Variants in FAM178B observed in about 807,000 individuals in gnomAD.
FAM178B encodes family with sequence similarity 178 member B.
Under a neutral mutation model 91.7 loss-of-function variants are expected in FAM178B, and 82 were observed. The ratio of observed to expected loss-of-function variants is 0.89; its 90% CI spans 0.75 to 1.07. The LOEUF (loss-of-function observed/expected upper bound fraction) is 1.07, where lower values mean the gene tolerates loss of function less well. Ranked by LOEUF, FAM178B falls within the 50% of genes least tolerant of loss-of-function variation. The pLI is 0.00. For missense variants in FAM178B, 769 were observed against 846.7 expected, an observed-to-expected ratio of 0.91 and a Z score of 1.14; for synonymous variants, 368 against 359.4, an observed-to-expected ratio of 1.02 and a Z score of -0.27.
chr2:96,967,132 T>C (rs2153375413), intron 5 of FAM178B, among the ~76,000 whole-genome samples: 1 of 152,346 alleles, frequency 6.6e-6, no homozygotes, highest in African/African-American at 2.4e-5. Flanking sequence ...TCAGAGCTAC[T>C]TTCTCTTCTC....
chr2:96,924,833 C>T (rs1174136188), intron 9 of FAM178B, among the ~76,000 whole-genome samples: 1 of 152,108 alleles, frequency 6.6e-6, no homozygotes, highest in Non-Finnish European at 1.5e-5. Flanking sequence ...CCAGGCAGCC[C>T]CCTGGCACAG....
chr2:96,951,249 C>T (rs1041318253), intron 7 of FAM178B, 130 bp downstream of exon 7: 11 of 683,814 alleles, frequency 1.6e-5, no homozygotes, highest in Non-Finnish European at 2.6e-5. Flanking sequence ...CCTCCCTCCT[C>T]CCAGCCTGAG....
intron 6 of FAM178B, among the ~76,000 whole-genome samples, chr2:96,957,124 T>C (rs2082010630): frequency 6.6e-6 from 1 of 152,138 alleles, no homozygotes; most frequent in Admixed American, 6.5e-5. Flanking sequence ...AGTGCTGGGA[T>C]TATAGGCATG....
intron 12 of FAM178B, among the ~76,000 whole-genome samples, chr2:96,913,816 G>A (rs554450538): frequency 8.5e-5 from 13 of 152,310 alleles, no homozygotes; most frequent in East Asian, 1.9e-4. Context: ...GAGGACTGCC[G>A]TCCCTGAGTC....
intron 12 of FAM178B, among the ~76,000 whole-genome samples, chr2:96,904,245 T>C (rs2080987784): frequency 1.3e-5 from 2 of 152,150 alleles, no homozygotes; most frequent in South Asian, 2.1e-4. Context: ...GCTGTATCCA[T>C]ACAGCTCAGT....
intron 12 of FAM178B, among the ~76,000 whole-genome samples, chr2:96,911,986 A>G (rs2081166780): frequency 6.6e-6 from 1 of 152,140 alleles, no homozygotes; most frequent in Non-Finnish European, 1.5e-5. Flanking sequence ...ATGTGCCTGG[A>G]GCTGAGGCCT....
chr2:96,879,786 C>T (rs2080335050), intron 14 of FAM178B, among the ~76,000 whole-genome samples: 2 of 152,252 alleles, frequency 1.3e-5, no homozygotes, highest in African/African-American at 4.8e-5. Context: ...GTGGGGAAGA[C>T]CCAACCTCTC....
At chr2:96,970,966 C>A (rs1051290768) in intron 3 of FAM178B, among the ~76,000 whole-genome samples, 189 bp from the exon 4 acceptor site, 3 of 151,952 alleles carry the variant, frequency 2.0e-5, no homozygotes, top group African/African-American at 7.3e-5. Flanking sequence ...CCCATCCCCA[C>A]CCCCAGCCAC....
At chr2:96,973,499 T>C (rs956674712) in intron 1 of FAM178B, among the ~76,000 whole-genome samples, 1 of 152,148 alleles carries the variant, frequency 6.6e-6, no homozygotes, top group Non-Finnish European at 1.5e-5. Flanking sequence ...CCAGTCAAGA[T>C]GGACCATGGC....
At chr2:96,970,004 T>C (rs2082195478) in intron 4 of FAM178B, among the ~76,000 whole-genome samples, 1 of 152,166 alleles carries the variant, frequency 6.6e-6, no homozygotes, top group Admixed American at 6.5e-5. Flanking sequence ...GGACATGCAC[T>C]GAACAAAAAC....
At chr2:96,891,818 G>T (rs1023932561) in intron 14 of FAM178B, among the ~76,000 whole-genome samples, 1 of 152,208 alleles carries the variant, frequency 6.6e-6, no homozygotes, top group Non-Finnish European at 1.5e-5. Flanking sequence ...TCCCAGACAG[G>T]AGTGAGAGGG....
At chr2:96,914,979 A>T (rs979843226) in intron 12 of FAM178B, among the ~76,000 whole-genome samples, 8 of 148,016 alleles carry the variant, frequency 5.4e-5, no homozygotes, top group East Asian at 2.1e-4. Context: ...GATGTGGGGC[A>T]GGGGTGGGGG....
chr2:96,889,012 A>G (rs1483114020), intron 14 of FAM178B, among the ~76,000 whole-genome samples: 2 of 152,218 alleles, frequency 1.3e-5, no homozygotes, highest in Non-Finnish European at 2.9e-5. Flanking sequence ...AAAGCTGACT[A>G]GAGCCACTCG....
At position 96,930,083 on chromosome 2, in the gene FAM178B, C is replaced by T. The variant is rs1032926390; in HGVS notation, c.1079-763G>A. On this transcript the variant is annotated intron_variant, in intron 8 of 16. Coordinates refer to ENST00000490605, the MANE Select transcript of FAM178B (RefSeq NM_001122646.3). The stretch of plus-strand genomic sequence containing the variant: ...TACAAAAGAAAGTAGCCGAGCATGG[C>T]GGCATGAGCCTGTAGTCCCAGGATA... Among the ~76,000 whole-genome samples, 5 of 151,812 alleles carry T rather than the reference C, an allele frequency of 3.3e-5. No homozygotes were observed. In the South Asian group the frequency reaches 6.2e-4, roughly 19 times the overall value.
rs375395829 is a variant in FAM178B, at chr2:96,972,563, C to T, written c.117G>A (p.Thr39=). 102 of 1,551,690 alleles carry T rather than the reference C, an allele frequency of 6.6e-5. No individual in the cohort carries two copies. In the African/African-American group the frequency reaches 1.2e-3, roughly 18 times the overall value. Residue 39 remains threonine, a synonymous_variant, in exon 2 of 17, where the codon ACG becomes ACA. Transcript: ENST00000490605. The part of the protein sequence containing the change: ...HGLQMAGPQE[T]VLALPLREGV... ...CTTCTCTCAGAGGAAGGGCTAGCAC[C>T]GTCTCCTGGGGCCCAGCCATCTGCA... is the stretch of plus-strand genomic sequence containing the variant.
intron 14 of FAM178B, among the ~76,000 whole-genome samples, chr2:96,890,815 A>C (rs2080660299): frequency 6.6e-6 from 1 of 152,028 alleles, no homozygotes; most frequent in South Asian, 2.1e-4. Context: ...CCACAGGAAA[A>C]CACCCTCTAC....
rs776201484 is a variant in FAM178B, at chr2:96,929,236, T to C, written c.1163A>G (p.Tyr388Cys). The C allele has an allele frequency of 7.7e-6, 12 of 1,551,368 alleles. No individual in the cohort carries two copies. The Admixed American group carries it at 1.4e-4, about 18-fold the overall frequency. Residue 388 changes from tyrosine (Y) to cysteine (C), a missense_variant, in exon 9 of 17, where the codon TAC becomes TGC. Physicochemically the swap from Tyr to Cys is radical, Grantham distance 194. Transcript: ENST00000490605. ...ACCGTGCCAAAAGGGCCCCAGAGGG[T>C]ACAGGGCAGGACTGTGGGCACCCAG... ...HSLGAHSPAL[Y>C]PLGPFWHGGR...
At chr2:96,889,177 C>G (rs1004819638) in intron 14 of FAM178B, among the ~76,000 whole-genome samples, 1 of 152,208 alleles carries the variant, frequency 6.6e-6, no homozygotes, top group South Asian at 2.1e-4. Context: ...GGGGACCAGG[C>G]TCCTGGTGCC....
intron 12 of FAM178B, among the ~76,000 whole-genome samples, chr2:96,907,577 G>T (rs961017338): frequency 5.3e-5 from 8 of 152,246 alleles, no homozygotes; most frequent in East Asian, 1.9e-4. Context: ...CCTCCGCCCT[G>T]TCCCCCTCCA....
Sources: allele counts gnomAD v4.1 joint callset (sites outside exome capture counted in the v4.1 genomes callset), GRCh38; gene constraint gnomAD v4.1.1; transcripts MANE v1.5; gene names NCBI Gene and HGNC (gene_info 2026-07-23, HGNC 2026-07-21).